Variants in RGS7BP observed in about 807,000 individuals in gnomAD.
RGS7BP encodes the protein regulator of G protein signaling 7-binding protein.
In RGS7BP, 9 loss-of-function variants were observed where a neutral mutation model predicts 31.3. The observed-to-expected ratio is 0.29, with a 90% CI of 0.17 to 0.50. The LOEUF is 0.50. Ranked by LOEUF, RGS7BP falls within the 20% of genes least tolerant of loss-of-function variation. RGS7BP has a pLI of 0.98. For synonymous variants in RGS7BP, 115 were observed against 120.1 expected (o/e 0.96, Z 0.28); for missense variants, 274 against 322.0 (o/e 0.85, Z 1.14).
At chr5:64,549,591 T>C (rs529924502) in intron 2 of RGS7BP, among the ~76,000 whole-genome samples, 12 of 152,344 alleles carry the variant, frequency 7.9e-5, no homozygotes, top group South Asian at 2.1e-4. Context: ...AATAGCTTGA[T>C]CATTCCCTCC....
chr5:64,588,324 G>A (rs763872040), intron 3 of RGS7BP, among the ~76,000 whole-genome samples: 2 of 152,134 alleles, frequency 1.3e-5, no homozygotes, highest in Non-Finnish European at 2.9e-5. Context: ...TGTTTATTTA[G>A]GAAATGCCTT....
chr5:64,529,898 G>A (rs1749327301), intron 2 of RGS7BP, among the ~76,000 whole-genome samples: 1 of 152,146 alleles, frequency 6.6e-6, no homozygotes, highest in African/African-American at 2.4e-5. Context: ...TCCATTTATG[G>A]CTACTTAAGA....
intron 3 of RGS7BP, among the ~76,000 whole-genome samples, chr5:64,579,927 C>T (rs1742544224): frequency 6.6e-6 from 1 of 152,172 alleles, no homozygotes; most frequent in African/African-American, 2.4e-5. Flanking sequence ...TTCCCACCAT[C>T]AAGACAGCAT....
At chr5:64,515,353 A>T (rs748976865) in intron 2 of RGS7BP, among the ~76,000 whole-genome samples, 1 of 152,202 alleles carries the variant, frequency 6.6e-6, no homozygotes, top group Admixed American at 6.5e-5. Flanking sequence ...GCAATTTGTG[A>T]GGCATAGGTG....
chr5:64,517,958 C>G (rs1408821590), intron 2 of RGS7BP, among the ~76,000 whole-genome samples: 1 of 151,948 alleles, frequency 6.6e-6, no homozygotes, highest in Non-Finnish European at 1.5e-5. Flanking sequence ...AAAATTTCAT[C>G]AAGGAGTTAA....
In RGS7BP at chr5:64,506,898, T is replaced by G. The variant is rs1214033266; in HGVS notation, c.165+109T>G. On this transcript the variant is annotated intron_variant, in intron 1 of 5. Transcript: ENST00000334025. This position sits in a 1 kb window ranked among gnomAD's most constrained non-coding sequence, Gnocchi z 4.6. Reference sequence around the variant, plus strand: ...TGCCAGCCACTCCCCCACCCTCAGCTCCTCAATGCCGATCACGTGGCACAT... The same window carrying G: ...TGCCAGCCACTCCCCCACCCTCAGCGCCTCAATGCCGATCACGTGGCACAT... 1.9e-5 allele frequency: 20 copies of G among 1,037,708 alleles called. No homozygotes were observed. Among genetic ancestry groups the G allele is most frequent in the Non-Finnish European group, 2.6e-5 (19 of 719,672 alleles). The allele number at this position is 1,037,708 out of a possible 1,614,324, so 64.3% of individuals were successfully genotyped here.
At chr5:64,508,253 G>A (rs1364932681) in intron 2 of RGS7BP, among the ~76,000 whole-genome samples, 2 of 152,230 alleles carry the variant, frequency 1.3e-5, no homozygotes, top group East Asian at 3.9e-4. Flanking sequence ...GGCCTGTGCT[G>A]TAGAGAAAAA....
At chr5:64,575,597 A>G (rs1006532519) in intron 2 of RGS7BP, 177 bp from the exon 3 acceptor site, 3 of 1,179,314 alleles carry the variant, frequency 2.5e-6, no homozygotes, top group Non-Finnish European at 3.2e-6. Flanking sequence ...AGTCAGAAAG[A>G]GACTTACATA....
intron 3 of RGS7BP, among the ~76,000 whole-genome samples, chr5:64,579,025 A>C (rs1192388679): frequency 6.6e-6 from 1 of 152,212 alleles, no homozygotes. Flanking sequence ...ATCTGTAGCC[A>C]GCAAACCATA....
intron 2 of RGS7BP, among the ~76,000 whole-genome samples, chr5:64,565,634 T>C (rs1742151122): frequency 6.6e-6 from 1 of 152,094 alleles, no homozygotes; most frequent in Non-Finnish European, 1.5e-5. Flanking sequence ...TCACACCACA[T>C]AGGCACTGCT....
Position 64,526,573 on chromosome 5 carries a change from C to T in RGS7BP, c.332+18696C>T, listed in dbSNP as rs149988147. ...CCTAGCCTCAGCTTACAACCTATTT[C>T]CAACTTCCCTGCAACCAAAAAGGCA... On this transcript the variant is annotated intron_variant, in intron 2 of 5. Transcript: ENST00000334025. Among the ~76,000 whole-genome samples the T allele has an allele frequency of 2.2e-3, 329 of 152,262 alleles. 1 individual carries two copies. The highest frequency in any genetic ancestry group is 3.6e-3 in the Non-Finnish European group (247 of 68,014).
chr5:64,542,011 T>A (rs386940), intron 2 of RGS7BP, among the ~76,000 whole-genome samples: 38,824 of 152,120 alleles, frequency 0.26, 5,349 homozygotes, highest in South Asian at 0.37. Context: ...GAGGTACGAA[T>A]CCGTGTATTT....
At chr5:64,587,372 T>C (rs1014984406) in intron 3 of RGS7BP, among the ~76,000 whole-genome samples, 1 of 152,128 alleles carries the variant, frequency 6.6e-6, no homozygotes, top group African/African-American at 2.4e-5. Context: ...GAGGAAACCC[T>C]AGCAGATAAG....
At chr5:64,600,109 G>A (rs1010909581) in intron 5 of RGS7BP, among the ~76,000 whole-genome samples, 1 of 152,192 alleles carries the variant, frequency 6.6e-6, no homozygotes, top group African/African-American at 2.4e-5. Context: ...TCTTGAGCCT[G>A]CAATTCAAAG....
At position 64,594,722 on chromosome 5, in the gene RGS7BP, G is replaced by A. The variant is rs1487954117; in HGVS notation, c.476G>A (p.Gly159Asp). ...CTCCCTCCCTTAGGAAAGGAACCTG[G>A]CGGGGGAACCAAGAGTTTGGATTGC... ...LQFHRKGKEP[G>D]GGTKSLDCKI... Residue 159 changes from glycine (G) to aspartate (D), a missense_variant, in exon 4 of 6, where the codon GGC (glycine) becomes GAC (aspartate). Physicochemically the swap from Gly to Asp is moderately conservative, Grantham distance 94 (BLOSUM62 -1). Around this residue, in one of 3 missense-constraint regions of RGS7BP, gnomAD observed 112 missense variants for 130.9 expected, o/e 0.86. Coordinates refer to ENST00000334025, the MANE Select transcript of RGS7BP (RefSeq NM_001029875.3). 2 of 1,613,584 alleles carry A rather than the reference G, an allele frequency of 1.2e-6. No individual in the cohort carries two copies. The highest frequency in any genetic ancestry group is 1.7e-6 in the Non-Finnish European group (2 of 1,179,712).
intron 3 of RGS7BP, among the ~76,000 whole-genome samples, chr5:64,584,819 GT>G (rs1742699543): frequency 6.6e-6 from 1 of 152,202 alleles, no homozygotes; most frequent in South Asian, 2.1e-4. Context: ...TTTGCCATGT[GT>G]TTTATGGCCC....
At chr5:64,609,056 T>A (rs984295471) in intron 5 of RGS7BP, 105 bp from the exon 6 acceptor site, 1 of 762,766 alleles carries the variant, frequency 1.3e-6, no homozygotes, top group Non-Finnish European at 2.4e-6. Flanking sequence ...AGTGCTGAGG[T>A]TGAGAAATCC....
At chr5:64,599,893 TG>T (rs1374166875) in intron 5 of RGS7BP, among the ~76,000 whole-genome samples, 1 of 152,218 alleles carries the variant, frequency 6.6e-6, no homozygotes, top group African/African-American at 2.4e-5. Flanking sequence ...AAGTCTGTTG[TG>T]GGGATTAAAT....
At chr5:64,521,652 A>G (rs1749111741) in intron 2 of RGS7BP, among the ~76,000 whole-genome samples, 1 of 152,158 alleles carries the variant, frequency 6.6e-6, no homozygotes, top group Admixed American at 6.5e-5. Flanking sequence ...GAACAGTCCT[A>G]TTTATCTTAG....
Sources: allele counts gnomAD v4.1 joint callset (sites outside exome capture counted in the v4.1 genomes callset), GRCh38; gene constraint gnomAD v4.1.1; regional missense constraint gnomAD v4.1.1; non-coding constraint Gnocchi (gnomAD v3.1); transcripts MANE v1.5; gene names NCBI Gene and HGNC (gene_info 2026-07-23, HGNC 2026-07-21).